KCNMA1: variants seen among roughly 807,000 people sequenced by gnomAD.
KCNMA1 encodes Calcium-activated potassium channel subunit alpha-1.
In KCNMA1, 29 loss-of-function variants were observed where a neutral mutation model predicts 140.0. The ratio of observed to expected loss-of-function variants is 0.21; its 90% confidence interval spans 0.15 to 0.28. KCNMA1 has a LOEUF of 0.28. KCNMA1 is among the 10% of genes least tolerant of loss of function. The probability of loss-of-function intolerance (pLI) is 1.00; values close to 1 mark genes in which losing one functional copy is unlikely to be tolerated. For synonymous variants in KCNMA1, 612 were observed against 611.9 expected (o/e 1.00, Z 0.00); for missense variants, 880 against 1,602.2 (o/e 0.55, Z 7.70).
chr10:77,485,620 A>C (rs896610577), intron 1 of KCNMA1, among the ~76,000 whole-genome samples: 1 of 152,242 alleles, frequency 6.6e-6, no homozygotes, highest in Non-Finnish European at 1.5e-5. Context: ...AAAGAGAATA[A>C]GAAGCATCTC....
At chr10:76,970,170 T>TCGCCTAAGCTGATGAGGTAAGGAG in intron 19 of KCNMA1, 103 bp from the exon 20 acceptor site, 1 of 883,754 alleles carries the variant, frequency 1.1e-6, no homozygotes, top group Non-Finnish European at 1.9e-6. Flanking sequence ...AGTCACTCAC[T>TCGCCTAAGCTGATGAGGTAAGGAG]AGGAATTCAT....
intron 1 of KCNMA1, among the ~76,000 whole-genome samples, chr10:77,420,130 C>T (rs1166653320): frequency 6.6e-6 from 1 of 152,250 alleles, no homozygotes; most frequent in Non-Finnish European, 1.5e-5. Flanking sequence ...TGCTGCCCTG[C>T]TGATCCACTG....
At chr10:77,399,933 G>T (rs1441093653) in intron 2 of KCNMA1, among the ~76,000 whole-genome samples, 3 of 152,180 alleles carry the variant, frequency 2.0e-5, no homozygotes, top group Non-Finnish European at 4.4e-5. Flanking sequence ...CCTTACTCAT[G>T]ATGTCCCAGC....
At chr10:76,923,197 G>A (rs998530999) in intron 23 of KCNMA1, among the ~76,000 whole-genome samples, 38 of 152,062 alleles carry the variant, frequency 2.5e-4, no homozygotes, top group Admixed American at 2.3e-3. Context: ...ATTAAGATTC[G>A]TAAAATATAT....
intron 23 of KCNMA1, among the ~76,000 whole-genome samples, chr10:76,917,488 G>A (rs772703643): frequency 1.3e-5 from 2 of 152,174 alleles, no homozygotes; most frequent in Non-Finnish European, 2.9e-5. Context: ...TCCTTTGCAT[G>A]AAACCTTCAT....
intron 19 of KCNMA1, among the ~76,000 whole-genome samples, chr10:76,986,416 G>A (rs1276327332): frequency 6.6e-6 from 1 of 152,232 alleles, no homozygotes; most frequent in Non-Finnish European, 1.5e-5. Flanking sequence ...AGTGTCTCCA[G>A]TTATCCAGAC....
chr10:77,142,107 C>T (rs1277023635), intron 5 of KCNMA1, among the ~76,000 whole-genome samples: 1 of 152,138 alleles, frequency 6.6e-6, no homozygotes. Context: ...GTGGCTCATG[C>T]CTGTAATCCC....
chr10:77,025,740 A>G (rs892648526), intron 16 of KCNMA1, among the ~76,000 whole-genome samples: 4 of 152,136 alleles, frequency 2.6e-5, no homozygotes, highest in Non-Finnish European at 5.9e-5. Flanking sequence ...ACATGTTTAA[A>G]TAAAGAAAAA....
intron 14 of KCNMA1, among the ~76,000 whole-genome samples, chr10:77,060,468 A>C (rs1303264411): frequency 1.3e-5 from 2 of 152,218 alleles, no homozygotes; most frequent in South Asian, 4.1e-4. Context: ...CTGCCATTGC[A>C]TTTGGGGTGC....
intron 1 of KCNMA1, among the ~76,000 whole-genome samples, chr10:77,610,701 C>G (rs1976717): frequency 2.6e-5 from 4 of 152,060 alleles, no homozygotes; most frequent in Admixed American, 2.0e-4. Context: ...AGAGCCCACA[C>G]AGAGTAGACC....
At chr10:77,140,707 C>G (rs1168384316) in intron 5 of KCNMA1, 1 of 152,336 alleles carries the variant, frequency 6.6e-6, no homozygotes, top group Non-Finnish European at 1.5e-5. Flanking sequence ...ACCCTCCAGT[C>G]CCTCTTGCAA....
chr10:76,908,399 G>A (rs1014623267), intron 25 of KCNMA1, among the ~76,000 whole-genome samples: 4 of 152,212 alleles, frequency 2.6e-5, no homozygotes, highest in African/African-American at 9.7e-5. Flanking sequence ...CCATGGCATG[G>A]CATGAAGCCC....
At chr10:77,542,020 C>A (rs1028248719) in intron 1 of KCNMA1, among the ~76,000 whole-genome samples, 1 of 152,130 alleles carries the variant, frequency 6.6e-6, no homozygotes, top group Admixed American at 6.5e-5. Flanking sequence ...GTGTCCCTCC[C>A]CAAAAATTTA....
intron 1 of KCNMA1, among the ~76,000 whole-genome samples, chr10:77,627,469 T>C (rs1200261645): frequency 1.3e-5 from 2 of 152,088 alleles, no homozygotes; most frequent in Non-Finnish European, 2.9e-5. Flanking sequence ...ACAACCAGAA[T>C]GGGTCGTTTT....
intron 1 of KCNMA1, among the ~76,000 whole-genome samples, chr10:77,539,191 C>T (rs1342750897): frequency 6.6e-6 from 1 of 152,210 alleles, no homozygotes; most frequent in Non-Finnish European, 1.5e-5. Context: ...CAAGAGCCTG[C>T]AAGGCCATTC....
At chr10:77,489,062 G>T (rs1368001787) in intron 1 of KCNMA1, among the ~76,000 whole-genome samples, 1 of 152,148 alleles carries the variant, frequency 6.6e-6, no homozygotes, top group African/African-American at 2.4e-5. Context: ...CATAAGGGTT[G>T]CAGGAGCCTC....
intron 1 of KCNMA1, among the ~76,000 whole-genome samples, chr10:77,567,459 G>A (rs966080353): frequency 6.6e-6 from 1 of 152,182 alleles, no homozygotes; most frequent in Non-Finnish European, 1.5e-5. Flanking sequence ...CTAGCCCCTG[G>A]AGGAACTACC....
intron 5 of KCNMA1, among the ~76,000 whole-genome samples, chr10:77,180,522 A>G (rs147845529): frequency 7.2e-5 from 11 of 152,276 alleles, no homozygotes; most frequent in Middle Eastern, 3.4e-3. Context: ...TGTTATTATT[A>G]TTTCATATCC....
intron 9 of KCNMA1, among the ~76,000 whole-genome samples, chr10:77,097,719 G>A (rs183378564): frequency 4.7e-4 from 71 of 152,228 alleles, no homozygotes; most frequent in African/African-American, 1.7e-3. Flanking sequence ...TAAAAAAAAG[G>A]AGGTTCAGCA....
Sources: allele counts gnomAD v4.1 joint callset (sites outside exome capture counted in the v4.1 genomes callset), GRCh38; gene constraint gnomAD v4.1.1; transcripts MANE v1.5; gene names NCBI Gene and HGNC (gene_info 2026-07-23, HGNC 2026-07-21).